ASTN2: variants seen among roughly 807,000 people sequenced by gnomAD.
ASTN2 encodes astrotactin-2.
Under a neutral mutation model 139.8 loss-of-function variants are expected in ASTN2, and 54 were observed. The ratio of observed to expected loss-of-function variants is 0.39; its 90% CI spans 0.31 to 0.48. The LOEUF is 0.48. Ranked by LOEUF, ASTN2 falls within the 20% of genes least tolerant of loss-of-function variation. The pLI, the probability that ASTN2 is intolerant of heterozygous loss-of-function variation, is 0.95. For missense variants in ASTN2, 1,565 were observed against 1,725.1 expected (o/e 0.91, Z 1.64); for synonymous variants, 756 against 719.5 (o/e 1.05, Z -0.81).
At chr9:116,759,295 T>C (rs1228631008) in intron 13 of ASTN2, among the ~76,000 whole-genome samples, 2 of 152,214 alleles carry the variant, frequency 1.3e-5, no homozygotes, top group African/African-American at 4.8e-5. Flanking sequence ...AATGATTTCC[T>C]AGACCTTTAG....
intron 5 of ASTN2, among the ~76,000 whole-genome samples, chr9:117,065,366 C>A (rs1232180453): frequency 6.6e-6 from 1 of 152,164 alleles, no homozygotes; most frequent in Admixed American, 6.5e-5. Flanking sequence ...ACATCCTGCA[C>A]ATGGTGAGAA....
In ASTN2 at chr9:117,114,308, T is replaced by TA. The variant is rs1451009804; in HGVS notation, c.1169-18158dup. ...TGACACTCTTATTGTTGGTCAGACT[T>TA]ACGGGCAGAGCAGTAATCCCAGAGG... On this transcript the variant is annotated intron_variant, in intron 4 of 22. Transcript: ENST00000313400. Among the ~76,000 whole-genome samples, 4 of 152,294 alleles carry TA rather than the reference T, an allele frequency of 2.6e-5. No homozygotes were observed. In the East Asian group the frequency reaches 7.7e-4, roughly 29 times the overall value.
chr9:116,710,645 A>G (rs370973360), intron 16 of ASTN2, among the ~76,000 whole-genome samples: 20 of 150,178 alleles, frequency 1.3e-4, no homozygotes, highest in African/African-American at 4.7e-4. Context: ...AGGGAGGAGA[A>G]TCACTCGAGC....
At position 116,659,032 on chromosome 9, in the gene ASTN2, C is replaced by G. The variant is rs114527412; in HGVS notation, c.2807-7239G>C. On this transcript the variant is annotated intron_variant, in intron 16 of 22. Coordinates refer to ENST00000313400, the MANE Select transcript of ASTN2 (RefSeq NM_001365068.1). The stretch of plus-strand genomic sequence containing the variant: ...TCATCTAGAGGTAGAGGAAAATTAT[C>G]CCAGTAAACATATCACAAAGAGTGG... Among the ~76,000 whole-genome samples the G allele has an allele frequency of 5.2e-3, 794 of 152,084 alleles. 5 individuals carry two copies. The highest frequency in any genetic ancestry group is 0.018 in the African/African-American group (758 of 41,502).
intron 13 of ASTN2, among the ~76,000 whole-genome samples, chr9:116,752,125 C>T (rs1017442494): frequency 8.5e-5 from 13 of 152,082 alleles, no homozygotes; most frequent in African/African-American, 1.2e-4. Context: ...ATCAAGACAG[C>T]GTGATACTGG....
chr9:116,900,078 G>A (rs1403646939), intron 10 of ASTN2, among the ~76,000 whole-genome samples: 1 of 152,208 alleles, frequency 6.6e-6, no homozygotes, highest in Non-Finnish European at 1.5e-5. Context: ...AATTTTCAGT[G>A]AGGCTGATTT....
chr9:117,140,251 G>C (rs979922588), intron 4 of ASTN2, among the ~76,000 whole-genome samples: 2 of 152,186 alleles, frequency 1.3e-5, no homozygotes, highest in African/African-American at 4.8e-5. Flanking sequence ...ATCTAGGAAA[G>C]ACAGTGGAGA....
At chr9:116,687,695 G>T (rs953084024) in intron 16 of ASTN2, among the ~76,000 whole-genome samples, 36 of 151,956 alleles carry the variant, frequency 2.4e-4, no homozygotes, top group Non-Finnish European at 4.6e-4. Context: ...GAGGAACGGG[G>T]TGTAGCATGT....
At chr9:116,532,479 G>T (rs2080660) in intron 19 of ASTN2, among the ~76,000 whole-genome samples, 26,936 of 152,050 alleles carry the variant, frequency 0.18, 2,517 homozygotes, top group African/African-American at 0.23. Context: ...TTCTTCTAGG[G>T]TTTTTATGGT....
intron 1 of ASTN2, among the ~76,000 whole-genome samples, chr9:117,326,337 A>T (rs190335223): frequency 2.6e-4 from 39 of 152,318 alleles, no homozygotes; most frequent in Non-Finnish European, 7.4e-5. Flanking sequence ...CCAAAGTCAC[A>T]GAGCATGTTA....
intron 10 of ASTN2, among the ~76,000 whole-genome samples, chr9:116,932,513 G>C (rs1224461685): frequency 1.3e-5 from 2 of 152,168 alleles, no homozygotes; most frequent in Non-Finnish European, 2.9e-5. Context: ...GAGGCAGCTG[G>C]TTCTACATTC....
chr9:117,405,387 A>T (rs1385665088), intron 1 of ASTN2, among the ~76,000 whole-genome samples: 1 of 152,204 alleles, frequency 6.6e-6, no homozygotes, highest in Non-Finnish European at 1.5e-5. Context: ...ACATGGGATG[A>T]GCTACATCTG....
intron 3 of ASTN2, among the ~76,000 whole-genome samples, chr9:117,184,761 C>T (rs977955242): frequency 8.5e-5 from 13 of 152,082 alleles, no homozygotes; most frequent in Non-Finnish European, 1.8e-4. Flanking sequence ...ATATCCACAC[C>T]CCACAGTTCC....
intron 16 of ASTN2, among the ~76,000 whole-genome samples, chr9:116,717,257 G>A (rs578012478): frequency 9.9e-5 from 15 of 151,914 alleles, no homozygotes; most frequent in African/African-American, 2.7e-4. Context: ...AGACTAGGGT[G>A]TTCCGTTCCA....
At chr9:117,366,864 T>C (rs567955176) in intron 1 of ASTN2, among the ~76,000 whole-genome samples, 6 of 152,190 alleles carry the variant, frequency 3.9e-5, no homozygotes, top group Admixed American at 3.3e-4. Context: ...AACCTCCGCC[T>C]CCTGGGTTCA....
At chr9:116,988,429 G>A (rs1836744461) in intron 7 of ASTN2, among the ~76,000 whole-genome samples, 1 of 152,096 alleles carries the variant, frequency 6.6e-6, no homozygotes, top group Non-Finnish European at 1.5e-5. Context: ...AGACCTCTTG[G>A]TTATCACTTA....
intron 17 of ASTN2, among the ~76,000 whole-genome samples, chr9:116,626,152 G>GTTTTT (rs1856443805): frequency 6.0e-5 from 2 of 33,246 alleles, no homozygotes; most frequent in South Asian, 9.1e-4. Flanking sequence ...GTTAGTTTTT[G>GTTTTT]TGTTTTTTTT....
intron 16 of ASTN2, among the ~76,000 whole-genome samples, chr9:116,712,634 G>A (rs796384973): frequency 4.6e-5 from 7 of 152,278 alleles, no homozygotes; most frequent in African/African-American, 1.4e-4. Flanking sequence ...AATAGAAAGT[G>A]GGGTATGGTT....
chr9:116,520,049 A>G (rs1415856169), intron 19 of ASTN2, among the ~76,000 whole-genome samples: 2 of 152,068 alleles, frequency 1.3e-5, no homozygotes, highest in Non-Finnish European at 2.9e-5. Flanking sequence ...AGGACCAGAA[A>G]GATTAACAGC....
Sources: allele counts gnomAD v4.1 joint callset (sites outside exome capture counted in the v4.1 genomes callset), GRCh38; gene constraint gnomAD v4.1.1; transcripts MANE v1.5; gene names NCBI Gene and HGNC (gene_info 2026-07-23, HGNC 2026-07-21).